SAMD5: variants seen among roughly 807,000 people sequenced by gnomAD.
SAMD5 encodes the protein sterile alpha motif domain-containing protein 5.
SAMD5 carries 13 observed loss-of-function variants against 11.3 expected under a neutral mutation model. That is an observed-to-expected ratio of 1.15 (90% CI 0.75 to 1.83). SAMD5 has a LOEUF of 1.83. Among genes scored for constraint, SAMD5 ranks in the 40% most tolerant of loss-of-function variants. SAMD5 has a pLI of 0.00. For synonymous variants in SAMD5, 129 were observed against 111.3 expected (o/e 1.16, Z -1.00); for missense variants, 255 against 239.1 (o/e 1.07, Z -0.44).
intron 1 of SAMD5, among the ~76,000 whole-genome samples, chr6:147,511,243 T>G (rs1337066309): frequency 1.3e-5 from 2 of 152,180 alleles, no homozygotes; most frequent in African/African-American, 4.8e-5. Context: ...TTCTGATTCT[T>G]AAAAAGCAAA....
At chr6:147,745,006 T>C in the SAMD5 span, among the ~76,000 whole-genome samples, 2 of 152,142 alleles carry the variant, frequency 1.3e-5, no homozygotes, top group African/African-American at 4.8e-5. Context: ...AGAACAATTA[T>C]AAGATGGTAG....
At chr6:147,951,995 A>G in the SAMD5 span, among the ~76,000 whole-genome samples, 1 of 152,196 alleles carries the variant, frequency 6.6e-6, no homozygotes, top group Admixed American at 6.5e-5. Context: ...CTTTCCCTTG[A>G]GAACTGCTGC....
chr6:147,787,701 C>T, the SAMD5 span, among the ~76,000 whole-genome samples: 1 of 152,068 alleles, frequency 6.6e-6, no homozygotes, highest in African/African-American at 2.4e-5. Context: ...ATATGAAAGC[C>T]TCGTTCTTGC....
the SAMD5 span, among the ~76,000 whole-genome samples, chr6:147,860,250 G>A: frequency 6.6e-5 from 10 of 152,222 alleles, no homozygotes; most frequent in Admixed American, 2.0e-4. Flanking sequence ...TATGTGTTCC[G>A]TTTGTCTTCT....
the SAMD5 span, among the ~76,000 whole-genome samples, chr6:147,907,021 G>A: frequency 2.6e-5 from 4 of 152,130 alleles, no homozygotes; most frequent in Admixed American, 2.6e-4. Flanking sequence ...GAGGTCTGCC[G>A]AAGTCTGATT....
chr6:147,883,690 C>T, the SAMD5 span, among the ~76,000 whole-genome samples: 1 of 152,118 alleles, frequency 6.6e-6, no homozygotes, highest in African/African-American at 2.4e-5. Context: ...GAGAAATAAC[C>T]AGCTTCTAGT....
At chr6:147,541,400 A>G (rs1189897920) in intron 1 of SAMD5, among the ~76,000 whole-genome samples, 2 of 152,174 alleles carry the variant, frequency 1.3e-5, no homozygotes, top group African/African-American at 4.8e-5. Context: ...CAAAACAAAC[A>G]TTAGTCACCT....
intron 1 of SAMD5, among the ~76,000 whole-genome samples, chr6:147,549,485 TTCTC>T: frequency 6.6e-6 from 1 of 152,102 alleles, no homozygotes; most frequent in African/African-American, 2.4e-5. Flanking sequence ...GGATAAATGT[TTCTC>T]TCCTTGTTCT....
chr6:147,735,591 A>C (rs989385805), intron 1 of SAMD5, among the ~76,000 whole-genome samples: 40 of 152,290 alleles, frequency 2.6e-4, no homozygotes, highest in African/African-American at 7.9e-4. Flanking sequence ...TCTCTGATTT[A>C]ATCAAAATTT....
the SAMD5 span, among the ~76,000 whole-genome samples, chr6:147,870,642 G>C: frequency 1.3e-5 from 2 of 151,214 alleles, no homozygotes; most frequent in South Asian, 4.2e-4. Flanking sequence ...TTGTTAACTT[G>C]AATAAAAAAA....
At chr6:147,909,633 T>TTTCTTTCTTTCTTTCTTC in the SAMD5 span, among the ~76,000 whole-genome samples, 1 of 31,220 alleles carries the variant, frequency 3.2e-5, no homozygotes, top group African/African-American at 2.6e-4. Flanking sequence ...TCTTTCTTTC[T>TTTCTTTCTTTCTTTCTTC]CTTTCTTGTC....
chr6:147,577,438 C>T (rs1789232732), intron 1 of SAMD5, among the ~76,000 whole-genome samples: 1 of 152,144 alleles, frequency 6.6e-6, no homozygotes, highest in Non-Finnish European at 1.5e-5. Flanking sequence ...ATAATTGCCT[C>T]AAATTTTTGA....
chr6:147,682,106 C>T (rs1192815052), intron 1 of SAMD5, among the ~76,000 whole-genome samples: 4 of 152,230 alleles, frequency 2.6e-5, no homozygotes, highest in African/African-American at 9.6e-5. Flanking sequence ...CCTCCCTGGA[C>T]TCTTATCTCT....
intron 1 of SAMD5, among the ~76,000 whole-genome samples, chr6:147,635,686 G>A (rs1221354918): frequency 1.3e-5 from 2 of 152,218 alleles, no homozygotes; most frequent in African/African-American, 4.8e-5. Flanking sequence ...TGTAAGCAGA[G>A]GCCTTAAATG....
chr6:147,778,874 T>G, the SAMD5 span, among the ~76,000 whole-genome samples: 1 of 151,968 alleles, frequency 6.6e-6, no homozygotes, highest in Non-Finnish European at 1.5e-5. Context: ...AATTGATGAG[T>G]ACAGGATAAG....
At chr6:147,725,467 C>T (rs867491583) in intron 1 of SAMD5, among the ~76,000 whole-genome samples, 16 of 149,866 alleles carry the variant, frequency 1.1e-4, no homozygotes, top group Middle Eastern at 3.5e-3. Context: ...CAGCTCGCTG[C>T]AACCTCTGCT....
At chr6:147,616,174 T>TCA (rs1562334263) in intron 1 of SAMD5, among the ~76,000 whole-genome samples, 1 of 110,748 alleles carries the variant, frequency 9.0e-6, no homozygotes, top group African/African-American at 6.6e-5. Context: ...TTCATATATA[T>TCA]TTATTCATAT....
At chr6:147,877,902 G>C in the SAMD5 span, among the ~76,000 whole-genome samples, 4 of 32,666 alleles carry the variant, frequency 1.2e-4, no homozygotes, top group African/African-American at 8.7e-4. Flanking sequence ...TAGCTAGATA[G>C]ATAGATAGCT....
intron 1 of SAMD5, among the ~76,000 whole-genome samples, chr6:147,672,593 A>G (rs975774573): frequency 9.2e-5 from 14 of 152,170 alleles, no homozygotes; most frequent in Non-Finnish European, 5.9e-5. Flanking sequence ...AAATAAATCA[A>G]TAGCAAATAA....
Sources: allele counts gnomAD v4.1 joint callset (sites outside exome capture counted in the v4.1 genomes callset), GRCh38; gene constraint gnomAD v4.1.1; transcripts MANE v1.5; gene names NCBI Gene and HGNC (gene_info 2026-07-23, HGNC 2026-07-21).